PGD: variants seen among roughly 807,000 people sequenced by gnomAD.
PGD encodes the protein phosphogluconate dehydrogenase.
PGD carries 21 observed loss-of-function variants against 60.4 expected under a neutral mutation model. The observed-to-expected ratio is 0.35, with a 90% confidence interval of 0.25 to 0.50. The LOEUF (loss-of-function observed/expected upper bound fraction) is 0.50, where lower values mean the gene tolerates loss of function less well. PGD is among the 20% of genes least tolerant of loss of function. The pLI is 0.98. For synonymous variants in PGD, 230 were observed against 235.9 expected, an observed-to-expected ratio of 0.97 and a Z score of 0.23; for missense variants, 477 against 613.1, an observed-to-expected ratio of 0.78 and a Z score of 2.34.
intron 5 of PGD, among the ~76,000 whole-genome samples, chr1:10,407,496 T>G (rs1275653988): frequency 1.3e-5 from 2 of 152,136 alleles, no homozygotes; most frequent in Non-Finnish European, 2.9e-5. Flanking sequence ...CTGCTCAGCC[T>G]TTCTGTCTGT....
At position 10,404,276 on chromosome 1, in the gene PGD, C is replaced by T; in HGVS notation, c.446C>T (p.Ala149Val). 6 of 1,593,244 alleles carry T rather than the reference C, an allele frequency of 3.8e-6. No individual in the cohort carries two copies. The highest frequency in any genetic ancestry group is 5.2e-6 in the Non-Finnish European group (6 of 1,163,586). The change falls in exon 5 of 13, where the codon GCG becomes GTG. Residue 149 changes from alanine (A) to valine (V), a missense_variant. Physicochemically the swap from Ala to Val is moderately conservative, Grantham distance 64 (BLOSUM62 0). This residue lies in a region of PGD where 431 missense variants were observed against 556.6 expected (regional missense o/e 0.77). Coordinates refer to ENST00000270776, the MANE Select transcript of PGD (RefSeq NM_002631.4). ...CTCATGCCAGGAGGGAACAAAGAAG[C>T]GTGGTGAGTGCCATCAGCACTGTGC... ...PSLMPGGNKE[A>V]WPHIKTIFQG... is the part of the protein sequence containing the mutation.
chr1:10,415,866 C>G (rs950804952), intron 8 of PGD, among the ~76,000 whole-genome samples: 3 of 152,264 alleles, frequency 2.0e-5, no homozygotes, highest in African/African-American at 4.8e-5. Flanking sequence ...TATTAAAATA[C>G]TACATTGACT....
chr1:10,405,386 AAAAC>A (rs144597432), intron 5 of PGD, among the ~76,000 whole-genome samples: 48,497 of 148,042 alleles, frequency 0.33, 8,034 homozygotes, highest in Middle Eastern at 0.39. Context: ...AAAACAAAAC[AAAAC>A]AAACAAAAAA....
chr1:10,416,082 A>G (rs1480754323), intron 8 of PGD, among the ~76,000 whole-genome samples: 1 of 152,088 alleles, frequency 6.6e-6, no homozygotes, highest in Admixed American at 6.5e-5. Context: ...TCTACATAAC[A>G]GTGGTTTTTA....
At chr1:10,418,462 A>G (rs1639633343) in intron 10 of PGD, among the ~76,000 whole-genome samples, 1 of 152,102 alleles carries the variant, frequency 6.6e-6, no homozygotes, top group Non-Finnish European at 1.5e-5. Context: ...CTTCCAGCTT[A>G]CTTCCCTGTT....
At chr1:10,413,627 C>T (rs1324789952) in intron 8 of PGD, among the ~76,000 whole-genome samples, 1 of 152,050 alleles carries the variant, frequency 6.6e-6, no homozygotes, top group South Asian at 2.1e-4. Flanking sequence ...ATAACAGGGC[C>T]GGGCACAGTG....
chr1:10,409,845 G>A (rs1639469531), intron 6 of PGD, among the ~76,000 whole-genome samples: 1 of 151,688 alleles, frequency 6.6e-6, no homozygotes, highest in Non-Finnish European at 1.5e-5. Context: ...TGGTAGAGAT[G>A]GGGTTTCACC....
rs1353346072 is a variant in PGD, at chr1:10,418,991, G to GTTT, written c.1209+70_1209+72dup. ...CTGGGGCCATCAGTTGTGATGTTTG[G>GTTT]TTTTTTGTTTTTTTTTTTTGGTTTT... On this transcript the variant is annotated intron_variant, in intron 11 of 12. Transcript: ENST00000270776. The GTTT allele has an allele frequency of 4.3e-5, 38 of 893,980 alleles. No individual in the cohort carries two copies. The African/African-American group carries it at 5.5e-4, about 13-fold the overall frequency. The allele number at this position is 893,980 out of a possible 1,614,324, so 55.4% of individuals were successfully genotyped here. A position where few individuals can be genotyped will look rare whatever the true frequency, so the allele number is the denominator to read the frequency against.
At chr1:10,410,844 T>TTATAAATATAAATATAAA (rs564899684) in intron 6 of PGD, among the ~76,000 whole-genome samples, 1 of 151,448 alleles carries the variant, frequency 6.6e-6, no homozygotes, top group African/African-American at 2.4e-5. Flanking sequence ...TGGTCTTTAT[T>TTATAAATATAAATATAAA]TATAAATATA....
chr1:10,409,882 C>T (rs1639470120), intron 6 of PGD, among the ~76,000 whole-genome samples: 1 of 151,972 alleles, frequency 6.6e-6, no homozygotes, highest in African/African-American at 2.4e-5. Flanking sequence ...TCTTAAACTC[C>T]TGACTTCAAG....
At chr1:10,410,455 A>G (rs1477514600) in intron 6 of PGD, among the ~76,000 whole-genome samples, 2 of 151,620 alleles carry the variant, frequency 1.3e-5, no homozygotes, top group Non-Finnish European at 1.5e-5. Flanking sequence ...AAAAAAAAAG[A>G]AACACGGACA....
intron 7 of PGD, among the ~76,000 whole-genome samples, chr1:10,412,337 T>C (rs1230595030): frequency 6.6e-6 from 1 of 152,264 alleles, no homozygotes. Context: ...GTTTCAGTTA[T>C]TTCCAATGGG....
intron 3 of PGD, 53 bp downstream of exon 3, chr1:10,400,625 T>C: frequency 6.9e-7 from 1 of 1,442,530 alleles, no homozygotes; most frequent in African/African-American, 1.4e-5. Flanking sequence ...GTTTTTGGTT[T>C]CTTCCTTTAG....
chr1:10,412,583 C>G (rs1332923575), intron 7 of PGD, among the ~76,000 whole-genome samples: 1 of 152,182 alleles, frequency 6.6e-6, no homozygotes. Context: ...GTTCACTCAG[C>G]AAACACACGA....
chr1:10,401,469 G>A (rs1254919266), intron 3 of PGD, among the ~76,000 whole-genome samples: 2 of 152,166 alleles, frequency 1.3e-5, no homozygotes, highest in Non-Finnish European at 2.9e-5. Flanking sequence ...CCTTTCTAGA[G>A]GAGTCGTGTC....
At chr1:10,403,024 G>A (rs751430863) in intron 3 of PGD, 47 bp from the exon 4 acceptor site, 2 of 1,168,254 alleles carry the variant, frequency 1.7e-6, no homozygotes, top group Non-Finnish European at 2.6e-6. Context: ...AATTTGCCAA[G>A]GTATGTTTCA....
intron 7 of PGD, 113 bp downstream of exon 7, chr1:10,411,665 G>A (rs1484690220): frequency 1.3e-5 from 16 of 1,193,466 alleles, no homozygotes; most frequent in Non-Finnish European, 1.9e-5. Context: ...GGCCTGCATG[G>A]ACTCAGCCTA....
chr1:10,399,067 T>A lies in PGD; in HGVS notation c.-51T>A, dbSNP rs760732909. 2 of 1,608,006 alleles carry A rather than the reference T, an allele frequency of 1.2e-6. No individual in the cohort carries two copies. The highest frequency in any genetic ancestry group is 1.3e-5 in the African/African-American group (1 of 74,946). On this transcript the variant is annotated 5_prime_UTR_variant, in exon 1 of 13. Coordinates refer to ENST00000270776, the MANE Select transcript of PGD (RefSeq NM_002631.4). ...GAGGGAGCCGCTGCGGGTCTTTCCCTCACTCGTCCTCCGCGCGTCGCCGCT... is the reference window on the plus strand; with the variant it reads ...GAGGGAGCCGCTGCGGGTCTTTCCCACACTCGTCCTCCGCGCGTCGCCGCT...
intron 5 of PGD, among the ~76,000 whole-genome samples, chr1:10,405,703 G>A (rs1318013298): frequency 6.6e-6 from 1 of 151,742 alleles, no homozygotes; most frequent in Non-Finnish European, 1.5e-5. Flanking sequence ...GGGCATGGTG[G>A]AGGGCACCTC....
Sources: gnomAD v4.1 joint callset for allele counts (sites outside exome capture counted in the v4.1 genomes callset) on GRCh38, gnomAD v4.1.1 for gene constraint, gnomAD v4.1.1 regional missense constraint, MANE v1.5 for transcripts, NCBI Gene and HGNC (gene_info 2026-07-23, HGNC 2026-07-21) for gene names.